PARD3B: variants seen among roughly 807,000 people sequenced by gnomAD.
PARD3B encodes the protein par-3 family cell polarity regulator beta, also known as partitioning defective 3 homolog B.
A neutral mutation model predicts 130.2 loss-of-function variants in PARD3B; 103 were observed. That is an observed-to-expected ratio of 0.79 (90% confidence interval 0.67 to 0.93). PARD3B has a LOEUF of 0.93. Among genes scored for constraint, PARD3B ranks in the 40% least tolerant of loss-of-function variants. The pLI is 0.00. For missense variants in PARD3B, 1,609 were observed against 1,499.2 expected, an observed-to-expected ratio of 1.07 and a Z score of -1.21; for synonymous variants, 583 against 553.2, an observed-to-expected ratio of 1.05 and a Z score of -0.76.
chr2:205,335,413 C>G (rs984194400), intron 18 of PARD3B, among the ~76,000 whole-genome samples: 2 of 152,156 alleles, frequency 1.3e-5, no homozygotes, highest in African/African-American at 4.8e-5. Context: ...TGTTGACAGT[C>G]TCTTTTCTGT....
intron 2 of PARD3B, among the ~76,000 whole-genome samples, chr2:204,864,596 A>G (rs1340905037): frequency 1.3e-5 from 2 of 152,196 alleles, no homozygotes; most frequent in African/African-American, 2.4e-5. Context: ...ATAGTCTAAT[A>G]TTAAACATCA....
chr2:205,102,008 C>A lies in PARD3B; in HGVS notation c.505-2418C>A, dbSNP rs187823487. 1.9e-3 allele frequency among the ~76,000 whole-genome samples: 282 copies of A among 152,184 alleles called. 1 individual carries two copies. Among genetic ancestry groups the A allele is most frequent in the African/African-American group, 6.4e-3 (264 of 41,528 alleles). On this transcript the variant is annotated intron_variant, in intron 4 of 22. Coordinates refer to ENST00000406610, the MANE Select transcript of PARD3B (RefSeq NM_001302769.2). Reference sequence around the variant, plus strand: ...TTAATTGTACTCTTTAAAATGGTGACTCTTATGTAAATTACATATCGATAA... The same window carrying A: ...TTAATTGTACTCTTTAAAATGGTGAATCTTATGTAAATTACATATCGATAA...
intron 21 of PARD3B, among the ~76,000 whole-genome samples, chr2:205,526,518 T>C (rs2051343478): frequency 6.6e-6 from 1 of 152,188 alleles, no homozygotes; most frequent in Non-Finnish European, 1.5e-5. Flanking sequence ...AGCACAACTC[T>C]AACTTGATAG....
At position 205,118,945 on chromosome 2, in the gene PARD3B, C is replaced by A; in HGVS notation, c.705C>A (p.Gly235=). The A allele has an allele frequency of 6.2e-7, 1 of 1,605,760 alleles. No individual in the cohort carries two copies. The highest frequency in any genetic ancestry group is 8.5e-7 in the Non-Finnish European group (1 of 1,176,476). Residue 235 remains glycine, a synonymous_variant, in exon 7 of 23, where the codon GGC becomes GGA. Transcript: ENST00000406610. Reference sequence around the variant, plus strand: ...GGATTCTAGGACTCTTCATCCGAGGCATTGAAGACAACAGCAGGTCCAAGC... The same window carrying A: ...GGATTCTAGGACTCTTCATCCGAGGAATTGAAGACAACAGCAGGTCCAAGC... ...SGRILGLFIR[G]IEDNSRSKRE...
At chr2:205,207,170 G>A (rs1170495112) in intron 15 of PARD3B, among the ~76,000 whole-genome samples, 10 of 137,116 alleles carry the variant, frequency 7.3e-5, no homozygotes, top group South Asian at 7.2e-4. Context: ...TGAAACCAAC[G>A]AGAACAAAGA....
intron 20 of PARD3B, among the ~76,000 whole-genome samples, chr2:205,451,573 C>G (rs1365093755): frequency 6.6e-6 from 1 of 151,914 alleles, no homozygotes; most frequent in African/African-American, 2.4e-5. Flanking sequence ...TATTAACTCC[C>G]TGTGAGAGGC....
rs563459626 is a variant in PARD3B, at chr2:205,217,707, C to CAT, written c.2140+24397_2140+24398dup. 9.9e-4 allele frequency among the ~76,000 whole-genome samples: 148 copies of CAT among 149,526 alleles called. 1 individual carries two copies. The East Asian group carries it at 0.024, about 24-fold the overall frequency. ...TAAATTTTATATATATACACACATA[C>CAT]ATATATATATACACACATACATATA... On this transcript the variant is annotated intron_variant, in intron 15 of 22. Transcript: ENST00000406610.
At chr2:205,208,561 C>G (rs1257488197) in intron 15 of PARD3B, among the ~76,000 whole-genome samples, 4 of 144,606 alleles carry the variant, frequency 2.8e-5, no homozygotes, top group Non-Finnish European at 6.0e-5. Context: ...CACAAGCATT[C>G]TTATACACCA....
At chr2:205,278,528 A>T (rs2041044281) in intron 16 of PARD3B, among the ~76,000 whole-genome samples, 1 of 152,150 alleles carries the variant, frequency 6.6e-6, no homozygotes, top group Admixed American at 6.5e-5. Context: ...AAATACAGAA[A>T]TGGGAGGCTT....
At chr2:205,392,101 C>A (rs964506752) in intron 18 of PARD3B, among the ~76,000 whole-genome samples, 3 of 152,150 alleles carry the variant, frequency 2.0e-5, no homozygotes, top group African/African-American at 4.8e-5. Flanking sequence ...TCTGGTATTT[C>A]TAAATCCATT....
At position 205,047,666 on chromosome 2, in the gene PARD3B, C is replaced by T. The variant is rs755872631; in HGVS notation, c.480C>T (p.Gly160=). 6.5e-7 allele frequency: 1 copy of T among 1,549,962 alleles called. No homozygotes were observed. The stretch of plus-strand genomic sequence containing the variant: ...AGCCAAGCGCTTCACACCCTGGTGG[C>T]CAGAGTCTGAAACTGGTTGTTCCAG... ...DTQPSASHPG[G]QSLKLVVPDS... is the part of the protein sequence containing the mutation. The change falls in exon 4 of 23, where the codon GGC becomes GGT. Residue 160 remains glycine (G), a synonymous_variant. Transcript: ENST00000406610.
At chr2:204,640,181 G>A (rs945229076) in intron 1 of PARD3B, among the ~76,000 whole-genome samples, 1 of 152,080 alleles carries the variant, frequency 6.6e-6, no homozygotes, top group Non-Finnish European at 1.5e-5. Flanking sequence ...CTCTGTGTCT[G>A]GGAGGTTGAG....
intron 18 of PARD3B, among the ~76,000 whole-genome samples, chr2:205,399,130 C>T (rs1439762261): frequency 6.6e-6 from 1 of 151,744 alleles, no homozygotes; most frequent in East Asian, 2.0e-4. Flanking sequence ...ATTAGCTGGG[C>T]ATGGTGGTGC....
intron 15 of PARD3B, among the ~76,000 whole-genome samples, chr2:205,212,218 G>A (rs757768977): frequency 9.2e-5 from 14 of 151,916 alleles, no homozygotes; most frequent in Admixed American, 2.0e-4. Flanking sequence ...ACAGATTGGC[G>A]GTTTTAGTAG....
At chr2:204,746,028 C>T (rs911540451) in intron 2 of PARD3B, among the ~76,000 whole-genome samples, 16 of 150,004 alleles carry the variant, frequency 1.1e-4, no homozygotes, top group South Asian at 6.3e-4. Flanking sequence ...ATGTGTACAA[C>T]GTGCAGGTTT....
At chr2:204,757,584 A>T (rs1014202738) in intron 2 of PARD3B, among the ~76,000 whole-genome samples, 11 of 152,024 alleles carry the variant, frequency 7.2e-5, no homozygotes, top group African/African-American at 2.7e-4. Flanking sequence ...TCCTCTGCCT[A>T]CTTTTTAATG....
intron 2 of PARD3B, among the ~76,000 whole-genome samples, chr2:204,869,510 T>C (rs938991947): frequency 2.0e-5 from 3 of 152,166 alleles, no homozygotes; most frequent in African/African-American, 7.2e-5. Flanking sequence ...AATCTAAAAT[T>C]AGAGCCTGAA....
At position 205,419,603 on chromosome 2, in the gene PARD3B, C is replaced by T. The variant is rs995330906; in HGVS notation, c.2741+18480C>T. Among the ~76,000 whole-genome samples, 62 of 152,124 alleles carry T rather than the reference C, an allele frequency of 4.1e-4. 1 individual carries two copies. The highest frequency in any genetic ancestry group is 1.4e-3 in the African/African-American group (60 of 41,424). Reference sequence around the variant, plus strand: ...CAGACTGCCAGAAAAAAACAAGTTCCATATTACATACAAGTCACTTACTCT... The same window carrying T: ...CAGACTGCCAGAAAAAAACAAGTTCTATATTACATACAAGTCACTTACTCT... On this transcript the variant is annotated intron_variant, in intron 19 of 22. Transcript: ENST00000406610.
rs1696590780 is a variant in PARD3B, at chr2:205,021,476, G to C, written c.395-26105G>C. 6.6e-6 allele frequency among the ~76,000 whole-genome samples: 1 copy of C among 152,042 alleles called. No homozygotes were observed. Among genetic ancestry groups the C allele is most frequent in the Non-Finnish European group, 1.5e-5 (1 of 68,000 alleles). ...CCAACGGCTGCTCACACAGCCTCTG[G>C]AAGTGGTAACTTTGGAAGGACTGGT... On this transcript the variant is annotated intron_variant, in intron 3 of 22. Transcript: ENST00000406610. The surrounding 1 kb of genome is among the most constrained non-coding windows in gnomAD (Gnocchi z 4.5).
Sources: allele counts gnomAD v4.1 joint callset (sites outside exome capture counted in the v4.1 genomes callset), GRCh38; gene constraint gnomAD v4.1.1; non-coding constraint Gnocchi (gnomAD v3.1); transcripts MANE v1.5; gene names NCBI Gene and HGNC (gene_info 2026-07-23, HGNC 2026-07-21).